The following RTN2 variants were observed in gnomAD, a reference collection of about 807,000 sequenced individuals.
The protein encoded by RTN2 is reticulon-2.
RTN2 carries 36 observed loss-of-function variants against 63.7 expected under a neutral mutation model. That is an observed-to-expected ratio of 0.56 (90% CI 0.43 to 0.75). The LOEUF (loss-of-function observed/expected upper bound fraction) is 0.75, where lower values mean the gene tolerates loss of function less well. Ranked by LOEUF, RTN2 falls within the 30% of genes least tolerant of loss-of-function variation. RTN2 has a pLI of 0.00. For synonymous variants in RTN2, 312 were observed against 313.0 expected, an observed-to-expected ratio of 1.00 and a Z score of 0.03; for missense variants, 673 against 705.1, an observed-to-expected ratio of 0.95 and a Z score of 0.52.
intron 9 of RTN2, 70 bp from the exon 10 acceptor site, chr19:45,486,183 G>T: frequency 1.4e-6 from 2 of 1,386,042 alleles, no homozygotes; most frequent in South Asian, 1.2e-5. Flanking sequence ...ATAGGAGGCT[G>T]CTTCCTCCCC....
chr19:45,491,360 A>ATTT (rs752835899), intron 5 of RTN2, among the ~76,000 whole-genome samples: 1 of 125,500 alleles, frequency 8.0e-6, no homozygotes, highest in African/African-American at 3.0e-5. Context: ...TATCGTGCTA[A>ATTT]TTTTTTTTTT....
At chr19:45,495,606 G>C (rs1241592526) in intron 1 of RTN2, among the ~76,000 whole-genome samples, 1 of 152,216 alleles carries the variant, frequency 6.6e-6, no homozygotes, top group Non-Finnish European at 1.5e-5. Flanking sequence ...GTTTCTCATA[G>C]GGTGGTCAAG....
intron 9 of RTN2, among the ~76,000 whole-genome samples, chr19:45,487,147 C>T (rs1423672156): frequency 6.9e-6 from 1 of 145,396 alleles, no homozygotes; most frequent in Non-Finnish European, 1.5e-5. Context: ...GGGTTCAACT[C>T]ATCCTCTTGC....
intron 9 of RTN2, among the ~76,000 whole-genome samples, chr19:45,487,973 C>T (rs1480297333): frequency 6.9e-6 from 1 of 145,876 alleles, no homozygotes; most frequent in African/African-American, 2.5e-5. Flanking sequence ...GCAGCAAAGG[C>T]TAGGCACAGT....
chr19:45,486,188 C>G, intron 9 of RTN2, 75 bp from the exon 10 acceptor site: 1 of 1,289,280 alleles, frequency 7.8e-7, no homozygotes, highest in South Asian at 1.2e-5. Flanking sequence ...AGGCTGCTTC[C>G]TCCCCAACCT....
rs371679598 is a variant in RTN2, at chr19:45,485,795, G to A, written c.1557-6C>T. The A allele has an allele frequency of 1.9e-6, 3 of 1,612,284 alleles. No individual in the cohort carries two copies. The African/African-American group carries it at 4.0e-5, about 22-fold the overall frequency. On this transcript the variant is annotated splice_region_variant and splice_polypyrimidine_tract_variant and intron_variant, in intron 10 of 10. Coordinates refer to ENST00000245923, the MANE Select transcript of RTN2 (RefSeq NM_005619.5). ...CTGGGATTTTAGCTCGGATCCTGAA[G>A]GAGAAACAGGTGGGATCACGAGGTG...
intron 9 of RTN2, among the ~76,000 whole-genome samples, chr19:45,486,587 C>G (rs1316268498): frequency 1.3e-5 from 2 of 152,192 alleles, no homozygotes; most frequent in Non-Finnish European, 2.9e-5. Context: ...TCTCGGTTCT[C>G]TGCAACCTCA....
intron 9 of RTN2, among the ~76,000 whole-genome samples, chr19:45,487,060 T>C (rs1968041403): frequency 7.6e-6 from 1 of 131,808 alleles, no homozygotes; most frequent in Non-Finnish European, 1.6e-5. Flanking sequence ...TTTTTTTTTT[T>C]TAGATAGGGT....
At position 45,493,257 on chromosome 19, in the gene RTN2, G is replaced by C. The variant is rs1301145875; in HGVS notation, c.936C>G (p.Pro312=). 3 of 1,613,618 alleles carry C rather than the reference G, an allele frequency of 1.9e-6. No individual in the cohort carries two copies. In the African/African-American group the frequency reaches 4.0e-5, roughly 22 times the overall value. ...AIGWVQRGPT[P]PTPVLRVLLK... ...GTAGAACCCGGAGGACAGGAGTAGG[G>C]GGGGTGGGGCCCCTTTGGACCCAGC... Residue 312 remains proline (P), a synonymous_variant, in exon 5 of 11, where the codon CCC becomes CCG. Coordinates refer to ENST00000245923, the MANE Select transcript of RTN2 (RefSeq NM_005619.5).
At chr19:45,495,771 GAAGAT>G (rs575777610) in intron 1 of RTN2, among the ~76,000 whole-genome samples, 358 of 152,332 alleles carry the variant, frequency 2.4e-3, no homozygotes, top group African/African-American at 8.1e-3. Flanking sequence ...TGAGAGGTGC[GAAGAT>G]ATGACTGGAG....
chr19:45,494,344 C>T lies in RTN2; in HGVS notation c.636G>A (p.Gly212=), dbSNP rs745752836. Residue 212 remains glycine (G), a synonymous_variant, in exon 4 of 11, where the codon GGG becomes GGA. Transcript: ENST00000245923. The surrounding 1 kb of genome is among the most constrained non-coding windows in gnomAD (Gnocchi z 5.3). ...VLTPQLSPGS[G]TPQAGTPSPS... is the part of the protein sequence containing the mutation. ...GGGACGGAGTACCGGCCTGGGGTGT[C>T]CCAGAGCCCGGACTGAGCTGGGGAG... 1 of 1,614,126 alleles carries T rather than the reference C, an allele frequency of 6.2e-7. No homozygotes were observed.
intron 10 of RTN2, 75 bp from the exon 11 acceptor site, chr19:45,485,864 C>T: frequency 7.4e-7 from 1 of 1,342,986 alleles, no homozygotes; most frequent in Non-Finnish European, 1.1e-6. Context: ...ACGGGGAAAG[C>T]TGGGTGGGAA....
intron 9 of RTN2, among the ~76,000 whole-genome samples, chr19:45,487,588 T>A (rs1445551149): frequency 7.0e-6 from 1 of 143,370 alleles, no homozygotes; most frequent in Admixed American, 6.8e-5. Context: ...TTTTGGTTTT[T>A]TTTTTTTTTT....
In RTN2 at chr19:45,494,998, G is replaced by A; in HGVS notation, c.87C>T (p.Asn29=). The A allele has an allele frequency of 1.2e-6, 2 of 1,613,420 alleles. No individual in the cohort carries two copies. Among genetic ancestry groups the A allele is most frequent in the Non-Finnish European group, 1.7e-6 (2 of 1,179,496 alleles). ...GCAGCTCTCGAAAATCAGAGTCGTC[G>A]TTCCCTCCTGCAGTGGGTGAAGGAG... ...SSTPDSTEGG[N]DDSDFRELHT... The change falls in exon 3 of 11, where the codon AAC becomes AAT. Residue 29 remains asparagine, a synonymous_variant. Coordinates refer to ENST00000245923, the MANE Select transcript of RTN2 (RefSeq NM_005619.5). The surrounding 1 kb of genome is among the most constrained non-coding windows in gnomAD (Gnocchi z 5.3).
Position 45,485,720 on chromosome 19 carries a change from G to A in RTN2, c.1626C>T (p.Ala542=). 6.2e-7 allele frequency: 1 copy of A among 1,613,964 alleles called. No homozygotes were observed. The highest frequency in any genetic ancestry group is 8.5e-7 in the Non-Finnish European group (1 of 1,179,910). The change falls in exon 11 of 11, where the codon GCC becomes GCT. Residue 542 remains alanine, a synonymous_variant. Transcript: ENST00000245923. Reference sequence around the variant, plus strand: ...AGAGACACCGTTCTCATTCGGCTTTGGCTTTGGATCCGGAGACTGCGGCTG... The same window carrying A: ...AGAGACACCGTTCTCATTCGGCTTTAGCTTTGGATCCGGAGACTGCGGCTG... The part of the protein sequence containing the change: ...SAAAAVSGSK[A]KAE
At chr19:45,489,875 G>C (rs1244017245) in intron 5 of RTN2, among the ~76,000 whole-genome samples, 1 of 151,786 alleles carries the variant, frequency 6.6e-6, no homozygotes. Flanking sequence ...TTAGAGGTAG[G>C]TGGCTCTCAC....
At chr19:45,487,770 G>A (rs972676763) in intron 9 of RTN2, among the ~76,000 whole-genome samples, 5 of 139,498 alleles carry the variant, frequency 3.6e-5, no homozygotes, top group South Asian at 2.3e-4. Context: ...GGTGAAACCC[G>A]GTCTCTACTA....
Position 45,489,446 on chromosome 19 carries a change from C to T in RTN2, c.1141G>A (p.Ala381Thr), listed in dbSNP as rs142458832. ...CAGAGCAGCAACAGAGCCAAGTGCGCGGCCACGGACACGATGCTAAAGTGC... is the reference window on the plus strand; with the variant it reads ...CAGAGCAGCAACAGAGCCAAGTGCGTGGCCACGGACACGATGCTAAAGTGC... Reference protein sequence around the residue: ...LLHFSIVSVAAHLALLLLCGT... With the variant: ...LLHFSIVSVATHLALLLLCGT... Residue 381 changes from alanine (A) to threonine (T), a missense_variant, in exon 6 of 11, where the codon GCG becomes ACG. Transcript: ENST00000245923. The T allele has an allele frequency of 9.3e-6, 15 of 1,611,722 alleles. No individual in the cohort carries two copies. The highest frequency in any genetic ancestry group is 8.9e-5 in the East Asian group (4 of 44,806).
intron 1 of RTN2, 182 bp downstream of exon 1, chr19:45,496,610 G>T: frequency 2.5e-6 from 1 of 400,556 alleles, no homozygotes; most frequent in Non-Finnish European, 4.5e-6. Flanking sequence ...GTTTCGTCCA[G>T]GTCCTCCGGG....
Sources: allele counts gnomAD v4.1 joint callset (sites outside exome capture counted in the v4.1 genomes callset), GRCh38; gene constraint gnomAD v4.1.1; non-coding constraint Gnocchi (gnomAD v3.1); transcripts MANE v1.5; gene names NCBI Gene and HGNC (gene_info 2026-07-23, HGNC 2026-07-21).